Variants in RYR1 observed in about 807,000 individuals in gnomAD.
The protein encoded by RYR1 is ryanodine receptor 1, also known as central core disease of muscle.
RYR1 carries 342 observed loss-of-function variants against 583.5 expected under a neutral mutation model. The observed-to-expected ratio is 0.59, with a 90% CI of 0.54 to 0.64. RYR1 has a LOEUF of 0.64. Among genes scored for constraint, RYR1 ranks in the 30% least tolerant of loss-of-function variants. The pLI is 0.00. For synonymous variants in RYR1, 2,791 were observed against 2,822.5 expected, an observed-to-expected ratio of 0.99 and a Z score of 0.35; for missense variants, 6,032 against 6,917.2, an observed-to-expected ratio of 0.87 and a Z score of 4.54.
At chr19:38,440,426 C>T (rs1414095870) in intron 1 of RYR1, among the ~76,000 whole-genome samples, 1 of 152,172 alleles carries the variant, frequency 6.6e-6, no homozygotes, top group Non-Finnish European at 1.5e-5. Flanking sequence ...GTAATTTCAG[C>T]TATTTGGGAG....
At chr19:38,577,881 C>T (rs772083064) in intron 97 of RYR1, 37 bp from the exon 98 acceptor site, 14 of 1,613,498 alleles carry the variant, frequency 8.7e-6, no homozygotes, top group South Asian at 2.2e-5. Context: ...ACCCACACTC[C>T]AGCTGTGTCT....
At position 38,586,552 on chromosome 19, in the gene RYR1, G is replaced by A. The variant is rs1974497998; in HGVS notation, c.14997G>A (p.Lys4999=). 6.2e-7 allele frequency: 1 copy of A among 1,614,034 alleles called. No individual in the cohort carries two copies. Among genetic ancestry groups the A allele is most frequent in the Non-Finnish European group, 8.5e-7 (1 of 1,180,008 alleles). Residue 4999 remains lysine, a synonymous_variant, in exon 105 of 106, where the codon AAG becomes AAA. Coordinates refer to ENST00000359596, the MANE Select transcript of RYR1 (RefSeq NM_000540.3). The stretch of plus-strand genomic sequence containing the variant: ...TTTTCCTGATGTATTTGATAAACAA[G>A]GATGAGACAGAACACACGGGTCAGG... ...YMFFLMYLIN[K]DETEHTGQES... is the part of the protein sequence containing the mutation.
chr19:38,492,245 G>C (rs756373883), intron 37 of RYR1, among the ~76,000 whole-genome samples: 1 of 151,710 alleles, frequency 6.6e-6, no homozygotes, highest in Admixed American at 6.6e-5. Context: ...TACACCTGTA[G>C]TCCCAGCTAC....
At chr19:38,527,834 G>C in intron 73 of RYR1, 50 bp downstream of exon 73, 1 of 1,608,420 alleles carries the variant, frequency 6.2e-7, no homozygotes, top group Non-Finnish European at 8.5e-7. Context: ...GCGGAGCCTG[G>C]CGGGGGGAGG....
In RYR1 at chr19:38,502,810, G is replaced by GGGGCAGGAGC. The variant is rs1568506844; in HGVS notation, c.7836-70_7836-69insGGGCAGGAGC. 27 of 667,636 alleles carry GGGGCAGGAGC rather than the reference G, an allele frequency of 4.0e-5. 1 individual carries two copies. Among genetic ancestry groups the GGGGCAGGAGC allele is most frequent in the Non-Finnish European group, 4.7e-5 (23 of 493,168 alleles). 41.4% of individuals were successfully genotyped at this position (667,636 alleles called of 1,614,324 possible). ...GCAGGGGCAGGGGCAGGGGCAGGGG[G>GGGGCAGGAGC]AGGAGCAGGGGCAGGGGCAGCAGAG... On this transcript the variant is annotated intron_variant, in intron 48 of 105. Transcript: ENST00000359596.
chr19:38,458,453 C>T (rs1967543357), intron 18 of RYR1, among the ~76,000 whole-genome samples, 161 bp downstream of exon 18: 1 of 152,124 alleles, frequency 6.6e-6, no homozygotes. Context: ...CCCAGAGCTT[C>T]TAGATTCCCG....
chr19:38,567,986 C>T (rs1973525268), intron 93 of RYR1, 69 bp downstream of exon 93: 3 of 1,552,918 alleles, frequency 1.9e-6, no homozygotes, highest in Non-Finnish European at 2.6e-6. Flanking sequence ...CCCACCTCTC[C>T]TGCTCACCTT....
intron 82 of RYR1, 121 bp from the exon 83 acceptor site, chr19:38,536,629 C>A: frequency 8.6e-7 from 1 of 1,168,460 alleles, no homozygotes; most frequent in Non-Finnish European, 1.3e-6. Flanking sequence ...TTGTTCCTCT[C>A]TCTCTGTGTG....
chr19:38,484,431 C>A (rs1470917327), intron 33 of RYR1, among the ~76,000 whole-genome samples: 1 of 151,164 alleles, frequency 6.6e-6, no homozygotes, highest in Non-Finnish European at 1.5e-5. Context: ...CCTCTCCCTC[C>A]CTCCCTCCCT....
rs759429466 is a variant in RYR1, at chr19:38,507,840, AC to A, written c.8932+19del. 1.3e-5 allele frequency: 20 copies of A among 1,555,658 alleles called. No individual in the cohort carries two copies. Among genetic ancestry groups the A allele is most frequent in the Middle Eastern group, 1.7e-4 (1 of 5,944 alleles). On this transcript the variant is annotated intron_variant, in intron 58 of 105. Coordinates refer to ENST00000359596, the MANE Select transcript of RYR1 (RefSeq NM_000540.3). Reference sequence around the variant, plus strand: ...ATTGCCCACCTGGGTACGGAGAAATACCCCCCGCTTATGCCCGCCCCACCTG... The same window carrying A: ...ATTGCCCACCTGGGTACGGAGAAATACCCCCGCTTATGCCCGCCCCACCTG...
At position 38,565,286 on chromosome 19, in the gene RYR1, C is replaced by CAGT. The variant is rs1973350170; in HGVS notation, c.12952_12953insAGT (p.Arg4318delinsGlnTrp). ...CTACCGCAGCCTGCGGCGGCGCGTG[C>CAGT]GGCGGCTGCGGCGGCTTACGGCCCG... On this transcript the variant is annotated protein_altering_variant, in exon 91 of 106. Coordinates refer to ENST00000359596, the MANE Select transcript of RYR1 (RefSeq NM_000540.3). The surrounding 1 kb of genome is among the most constrained non-coding windows in gnomAD (Gnocchi z 4.7). 1 of 1,008,538 alleles carries CAGT rather than the reference C, an allele frequency of 9.9e-7. No homozygotes were observed. The highest frequency in any genetic ancestry group is 6.0e-5 in the Admixed American group (1 of 16,790). The allele number at this position is 1,008,538 out of a possible 1,614,324, so 62.5% of individuals were successfully genotyped here.
At chr19:38,438,086 T>C (rs1340066045) in intron 1 of RYR1, among the ~76,000 whole-genome samples, 1 of 151,644 alleles carries the variant, frequency 6.6e-6, no homozygotes. Context: ...GCCACCATCC[T>C]GCTCCATCTC....
chr19:38,570,851 A>AC (rs1423639184), intron 94 of RYR1, among the ~76,000 whole-genome samples, 158 bp downstream of exon 94: 6 of 151,884 alleles, frequency 4.0e-5, no homozygotes, highest in African/African-American at 9.7e-5. Context: ...GGATCCTGGG[A>AC]CCCCCCTCCA....
chr19:38,541,599 C>T (rs974037813), intron 84 of RYR1, among the ~76,000 whole-genome samples: 1 of 152,102 alleles, frequency 6.6e-6, no homozygotes, highest in Non-Finnish European at 1.5e-5. Flanking sequence ...GCCTGTAATC[C>T]CAGCTACTCA....
chr19:38,466,037 A>T (rs1482689288), intron 23 of RYR1, 54 bp from the exon 24 acceptor site: 6 of 1,534,528 alleles, frequency 3.9e-6, no homozygotes, highest in Non-Finnish European at 5.3e-6. Context: ...TATAGTGCAG[A>T]GCCCGGAAGT....
chr19:38,504,711 A>T, intron 50 of RYR1, 37 bp from the exon 51 acceptor site: 1 of 1,592,386 alleles, frequency 6.3e-7, no homozygotes, highest in Non-Finnish European at 8.5e-7. Context: ...TAAGGCTTAT[A>T]GCGACCTCCT....
At chr19:38,537,364 C>T (rs1328347991) in intron 83 of RYR1, among the ~76,000 whole-genome samples, 1 of 152,124 alleles carries the variant, frequency 6.6e-6, no homozygotes, top group Non-Finnish European at 1.5e-5. Context: ...ACACGCCTCC[C>T]CTGTGCTACT....
intron 27 of RYR1, among the ~76,000 whole-genome samples, 158 bp from the exon 28 acceptor site, chr19:38,473,219 C>T (rs1239816126): frequency 1.3e-5 from 2 of 152,102 alleles, no homozygotes; most frequent in African/African-American, 2.4e-5. Flanking sequence ...TGTACCCGGC[C>T]GGGAGCTTCA....
chr19:38,581,968 C>G (rs1345167429), intron 101 of RYR1, among the ~76,000 whole-genome samples: 2 of 152,186 alleles, frequency 1.3e-5, no homozygotes, highest in African/African-American at 4.8e-5. Flanking sequence ...GCCCCTGCCA[C>G]TTATGAGCCG....
Sources: allele counts gnomAD v4.1 joint callset (sites outside exome capture counted in the v4.1 genomes callset), GRCh38; gene constraint gnomAD v4.1.1; non-coding constraint Gnocchi (gnomAD v3.1); transcripts MANE v1.5; gene names NCBI Gene and HGNC (gene_info 2026-07-23, HGNC 2026-07-21).